The following IQGAP2 variants were observed in gnomAD, a reference collection of about 807,000 sequenced individuals.
IQGAP2 encodes the protein ras GTPase-activating-like protein IQGAP2.
Under a neutral mutation model 201.3 loss-of-function variants are expected in IQGAP2, and 173 were observed. The observed-to-expected ratio is 0.86, with a 90% confidence interval of 0.76 to 0.98. The LOEUF is 0.98. Ranked by LOEUF, IQGAP2 falls within the 50% of genes least tolerant of loss-of-function variation. The probability of loss-of-function intolerance (pLI) is 0.00; values close to 1 mark genes in which losing one functional copy is unlikely to be tolerated. For missense variants in IQGAP2, 1,687 were observed against 1,864.8 expected, an observed-to-expected ratio of 0.90 and a Z score of 1.76; for synonymous variants, 675 against 673.9, an observed-to-expected ratio of 1.00 and a Z score of -0.03.
At position 76,404,615 on chromosome 5, in the gene IQGAP2, C is replaced by A. The variant is rs577281892; in HGVS notation, c.46+1024C>A. On this transcript the variant is annotated intron_variant, in intron 1 of 35. Transcript: ENST00000274364. ...GTGTGGTTTTGGATGGTGCGTAAGG[C>A]CACTGACTTGCTTAACTGAAAAAGG... 2.7e-4 allele frequency: 106 copies of A among 385,458 alleles called. No individual in the cohort carries two copies. In the South Asian group the frequency reaches 8.1e-3, roughly 30 times the overall value. The allele number at this position is 385,458 out of a possible 1,614,324, so 23.9% of individuals were successfully genotyped here.
chr5:76,677,092 A>G, intron 27 of IQGAP2, 126 bp from the exon 28 acceptor site: 1 of 868,556 alleles, frequency 1.2e-6, no homozygotes, highest in Non-Finnish European at 1.7e-6. Flanking sequence ...AAGCTGTAAC[A>G]CGTCCTCTCA....
intron 2 of IQGAP2, among the ~76,000 whole-genome samples, chr5:76,519,202 T>C (rs1758523599): frequency 6.6e-6 from 1 of 152,244 alleles, no homozygotes; most frequent in South Asian, 2.1e-4. Context: ...GTAGCCCTTG[T>C]GCTACTTCTC....
chr5:76,522,174 T>A (rs2150196003), intron 2 of IQGAP2, among the ~76,000 whole-genome samples: 1 of 137,130 alleles, frequency 7.3e-6, no homozygotes, highest in East Asian at 2.5e-4. Context: ...AGGGAGCATA[T>A]CCCTAGAATT....
chr5:76,590,030 T>G (rs1167346912), intron 7 of IQGAP2, among the ~76,000 whole-genome samples: 3 of 152,194 alleles, frequency 2.0e-5, no homozygotes. Context: ...TACAGGTCTT[T>G]TAGTATTGCA....
chr5:76,577,149 G>C (rs112862815), intron 5 of IQGAP2, among the ~76,000 whole-genome samples: 1 of 152,146 alleles, frequency 6.6e-6, no homozygotes, highest in Non-Finnish European at 1.5e-5. Flanking sequence ...TCTCGTATAA[G>C]TTTCAATTGA....
intron 2 of IQGAP2, among the ~76,000 whole-genome samples, chr5:76,551,920 G>A (rs141065299): frequency 0.031 from 4,696 of 149,106 alleles, 317 homozygotes; most frequent in Admixed American, 0.16. Context: ...GGAGAGGACT[G>A]GCAGAATTTC....
chr5:76,668,875 C>T, intron 23 of IQGAP2, 31 bp downstream of exon 23: 1 of 1,407,376 alleles, frequency 7.1e-7, no homozygotes, highest in Non-Finnish European at 9.7e-7. Flanking sequence ...GTAAAAATAC[C>T]AGTGAATCAA....
chr5:76,697,173 A>C (rs1226281868), intron 32 of IQGAP2, among the ~76,000 whole-genome samples: 2 of 152,226 alleles, frequency 1.3e-5, no homozygotes. Flanking sequence ...AATCCAAGTA[A>C]TAGTTATCAA....
intron 2 of IQGAP2, among the ~76,000 whole-genome samples, chr5:76,539,783 G>A (rs1025357903): frequency 2.0e-5 from 3 of 152,134 alleles, no homozygotes; most frequent in African/African-American, 7.2e-5. Flanking sequence ...AGGGTACTTA[G>A]CCCTGTTGTG....
intron 2 of IQGAP2, among the ~76,000 whole-genome samples, chr5:76,484,402 T>C (rs1385143849): frequency 1.1e-4 from 16 of 152,086 alleles, no homozygotes; most frequent in African/African-American, 3.9e-4. Context: ...GGTCTCCACT[T>C]GTCTGTTCTG....
chr5:76,678,342 G>A (rs545659398), intron 28 of IQGAP2, among the ~76,000 whole-genome samples: 1 of 151,976 alleles, frequency 6.6e-6, no homozygotes, highest in South Asian at 2.1e-4. Flanking sequence ...CATGTATTAA[G>A]TATCTGTTGG....
chr5:76,407,534 T>G (rs1750863797), intron 1 of IQGAP2, among the ~76,000 whole-genome samples: 1 of 152,218 alleles, frequency 6.6e-6, no homozygotes, highest in South Asian at 2.1e-4. Context: ...ATACGCAGCC[T>G]TATCTTGAGA....
chr5:76,537,103 G>A (rs1007784128), intron 2 of IQGAP2, among the ~76,000 whole-genome samples: 9 of 152,110 alleles, frequency 5.9e-5, no homozygotes, highest in Non-Finnish European at 1.2e-4. Context: ...CACAGTTTAC[G>A]TTTCTAGAAA....
At chr5:76,439,200 C>T (rs1338071347) in intron 1 of IQGAP2, among the ~76,000 whole-genome samples, 2 of 152,184 alleles carry the variant, frequency 1.3e-5, no homozygotes, top group African/African-American at 4.8e-5. Flanking sequence ...TTGTATTCCA[C>T]TGTGGTCTGA....
At position 76,606,426 on chromosome 5, in the gene IQGAP2, A is replaced by G. The variant is rs1486592462; in HGVS notation, c.1357+123A>G. 1.4e-5 allele frequency: 9 copies of G among 641,488 alleles called. No individual in the cohort carries two copies. The South Asian group carries it at 2.1e-4, about 15-fold the overall frequency. The allele number at this position is 641,488 out of a possible 1,614,324, so 39.7% of individuals were successfully genotyped here. A position where few individuals can be genotyped will look rare whatever the true frequency, so the allele number is the denominator to read the frequency against. The stretch of plus-strand genomic sequence containing the variant: ...AACTTTGTGAGAGCAAACTCCGCTA[A>G]TATGCATACCTTTATTTATAGGTAG... On this transcript the variant is annotated intron_variant, in intron 12 of 35. Coordinates refer to ENST00000274364, the MANE Select transcript of IQGAP2 (RefSeq NM_006633.5).
intron 12 of IQGAP2, chr5:76,608,092 G>GA (rs1278413716): frequency 1.3e-5 from 2 of 151,944 alleles, no homozygotes; most frequent in African/African-American, 4.8e-5. Flanking sequence ...TTACTGGGGG[G>GA]AAAAAAAGCA....
rs183779295 is a variant in IQGAP2 at position 76,407,547 on chromosome 5, C to G, written c.46+3956C>G. On this transcript the variant is annotated intron_variant, in intron 1 of 35. Transcript: ENST00000274364. ...GTATACGCAGCCTTATCTTGAGATA[C>G]TGTCTTCAGTAGACAAAAAGTCAAG... is the stretch of plus-strand genomic sequence containing the variant. Among the ~76,000 whole-genome samples, 247 of 152,352 alleles carry G rather than the reference C, an allele frequency of 1.6e-3. 1 individual carries two copies. Among genetic ancestry groups the G allele is most frequent in the Admixed American group, 2.9e-3 (45 of 15,304 alleles).
intron 2 of IQGAP2, among the ~76,000 whole-genome samples, chr5:76,466,068 G>A (rs1244051333): frequency 1.3e-5 from 2 of 152,094 alleles, no homozygotes; most frequent in African/African-American, 2.4e-5. Flanking sequence ...CAGGTCTGGT[G>A]GCTTGTGCTT....
chr5:76,444,002 G>GATCC (rs1439749771), intron 1 of IQGAP2, among the ~76,000 whole-genome samples: 1 of 152,200 alleles, frequency 6.6e-6, no homozygotes, highest in East Asian at 1.9e-4. Flanking sequence ...AAATTAGAGT[G>GATCC]ATCCTGCCCT....
Sources: allele counts gnomAD v4.1 joint callset (sites outside exome capture counted in the v4.1 genomes callset), GRCh38; gene constraint gnomAD v4.1.1; transcripts MANE v1.5; gene names NCBI Gene and HGNC (gene_info 2026-07-23, HGNC 2026-07-21).